Variants in FCRL2 observed in about 807,000 individuals in gnomAD.
FCRL2 encodes the protein Fc receptor-like protein 2.
In FCRL2, 48 loss-of-function variants were observed where a neutral mutation model predicts 59.8. The observed-to-expected ratio is 0.80, with a 90% CI of 0.64 to 1.02. The LOEUF is 1.02. Among genes scored for constraint, FCRL2 ranks in the 50% least tolerant of loss-of-function variants. The pLI is 0.00. For missense variants in FCRL2, 658 were observed against 597.3 expected (o/e 1.10, Z -1.06); for synonymous variants, 251 against 229.5 (o/e 1.09, Z -0.85).
At chr1:157,751,098 T>A (rs1386165099) in intron 7 of FCRL2, among the ~76,000 whole-genome samples, 1 of 152,202 alleles carries the variant, frequency 6.6e-6, no homozygotes, top group East Asian at 1.9e-4. Flanking sequence ...AGACTCAATA[T>A]CCAATTTGTT....
Position 157,767,316 on chromosome 1 carries a change from A to C in FCRL2, c.1077T>G (p.Thr359=). ...AGGAGTAGTTTCCAGAATGTTCTGC[A>C]GTCAAAGAGAGGTTGAAGGAGGCCC... The part of the protein sequence containing the change: ...GGGASFNLSL[T]AEHSGNYSCE... Residue 359 remains threonine (T), a synonymous_variant, in exon 6 of 12, where the codon ACT becomes ACG. Transcript: ENST00000361516. 2 of 1,614,244 alleles carry C rather than the reference A, an allele frequency of 1.2e-6. No homozygotes were observed. Among genetic ancestry groups the C allele is most frequent in the Non-Finnish European group, 1.7e-6 (2 of 1,180,032 alleles).
rs531471358 is a variant in FCRL2, at chr1:157,746,997, A to G, written c.1460-98T>C. On this transcript the variant is annotated intron_variant, in intron 10 of 11. Coordinates refer to ENST00000361516, the MANE Select transcript of FCRL2 (RefSeq NM_030764.4). ...AGGGCATAGAACTACTATGCTTAGT[A>G]TGTGGAATCCCATTTTCTCCTGTTC... 2.2e-5 allele frequency: 28 copies of G among 1,255,470 alleles called. No individual in the cohort carries two copies. The African/African-American group carries it at 2.7e-4, about 12-fold the overall frequency. The allele number at this position is 1,255,470 out of a possible 1,614,324, so 77.8% of individuals were successfully genotyped here.
At chr1:157,752,952 A>G (rs1175543448) in intron 7 of FCRL2, among the ~76,000 whole-genome samples, 2 of 152,162 alleles carry the variant, frequency 1.3e-5, no homozygotes, top group African/African-American at 4.8e-5. Flanking sequence ...GTTCTGTAAG[A>G]ATAGCATAGT....
chr1:157,770,214 C>G, intron 3 of FCRL2, 64 bp from the exon 4 acceptor site: 1 of 1,576,282 alleles, frequency 6.3e-7, no homozygotes, highest in South Asian at 1.2e-5. Flanking sequence ...TGAAAAGCCT[C>G]TGGCAAGAAG....
At chr1:157,770,707 G>C in intron 2 of FCRL2, 41 bp from the exon 3 acceptor site, 5 of 1,610,352 alleles carry the variant, frequency 3.1e-6, no homozygotes, top group Non-Finnish European at 4.2e-6. Flanking sequence ...CATTTCTGCA[G>C]AGAACCCAGA....
chr1:157,767,222 C>T lies in FCRL2; in HGVS notation c.1162+9G>A. The T allele has an allele frequency of 6.2e-7, 1 of 1,607,004 alleles. No individual in the cohort carries two copies. The highest frequency in any genetic ancestry group is 8.5e-7 in the Non-Finnish European group (1 of 1,176,648). ...CATCAAACTCTGTATCCAGGTAACA[C>T]CCACCCACCTGAGATGGAGACTGGC... On this transcript the variant is annotated intron_variant, in intron 6 of 11. Transcript: ENST00000361516.
intron 7 of FCRL2, 140 bp from the exon 8 acceptor site, chr1:157,749,817 CTACT>C: frequency 1.8e-6 from 1 of 541,848 alleles, no homozygotes; most frequent in African/African-American, 1.9e-5. Context: ...ATCTAAATGG[CTACT>C]TATTTATTCC....
intron 7 of FCRL2, among the ~76,000 whole-genome samples, chr1:157,752,537 T>C (rs746106985): frequency 6.6e-6 from 1 of 152,200 alleles, no homozygotes; most frequent in Non-Finnish European, 1.5e-5. Flanking sequence ...GGATAGACTA[T>C]GGGCCTGCCT....
At position 157,748,930 on chromosome 1, in the gene FCRL2, GAA is replaced by G; in HGVS notation, c.1336_1337del (p.Phe446HisfsTer88). 2 of 1,614,028 alleles carry G rather than the reference GAA, an allele frequency of 1.2e-6. No homozygotes were observed. Among genetic ancestry groups the G allele is most frequent in the Non-Finnish European group, 1.7e-6 (2 of 1,179,950 alleles). On this transcript the variant is annotated frameshift_variant, in exon 9 of 12. Transcript: ENST00000361516. LOFTEE classifies it high-confidence loss of function. Reference protein sequence around the residue: ...RGASRPNPQEFTYSSPTPDME... With the variant: ...RGASRPNPQEXTYSSPTPDME... ...TGTCTGGGGTTGGGCTTGAATAGGT[GAA>G]CTCTTGAGGATTTGGCCTGGAAGCC...
intron 7 of FCRL2, among the ~76,000 whole-genome samples, chr1:157,762,867 T>C (rs1020727299): frequency 1.3e-5 from 2 of 152,084 alleles, no homozygotes; most frequent in Non-Finnish European, 2.9e-5. Flanking sequence ...TAAGGAGAAA[T>C]AAAATCTTTT....
At chr1:157,747,007 C>A in intron 10 of FCRL2, 108 bp from the exon 11 acceptor site, 1 of 1,141,646 alleles carries the variant, frequency 8.8e-7, no homozygotes, top group South Asian at 1.3e-5. Flanking sequence ...ATGTGGAATC[C>A]CATTTTCTCC....
intron 6 of FCRL2, 21 bp downstream of exon 6, chr1:157,767,210 A>G: frequency 6.3e-7 from 1 of 1,598,826 alleles, no homozygotes; most frequent in Non-Finnish European, 8.5e-7. Context: ...CAAACTCTGT[A>G]TCCAGGTAAC....
Position 157,746,689 on chromosome 1 carries a change from G to A in FCRL2, c.*47C>T. 1 of 1,579,304 alleles carries A rather than the reference G, an allele frequency of 6.3e-7. No homozygotes were observed. Among genetic ancestry groups the A allele is most frequent in the Non-Finnish European group, 8.7e-7 (1 of 1,148,642 alleles). ...ATAAGGTTTTATAGCAAGTCTTAAT[G>A]ATGCCCCATCCTTGCTGTTGATCTT... On this transcript the variant is annotated 3_prime_UTR_variant, in exon 12 of 12. Transcript: ENST00000361516.
chr1:157,772,217 G>A (rs1650075545), intron 2 of FCRL2, among the ~76,000 whole-genome samples: 1 of 151,874 alleles, frequency 6.6e-6, no homozygotes, highest in Non-Finnish European at 1.5e-5. Flanking sequence ...AAAGATTCCT[G>A]TAGAGAACAC....
At chr1:157,767,865 T>G (rs1649645258) in intron 5 of FCRL2, 9 of 544,776 alleles carry the variant, frequency 1.7e-5, no homozygotes, top group Non-Finnish European at 2.3e-5. Flanking sequence ...CTGGGAAAAC[T>G]GATACATAGG....
intron 7 of FCRL2, among the ~76,000 whole-genome samples, chr1:157,755,214 A>G (rs2101686318): frequency 6.6e-6 from 1 of 152,342 alleles, no homozygotes; most frequent in South Asian, 2.1e-4. Context: ...TAAACAGATC[A>G]TCTACAAATC....
intron 7 of FCRL2, among the ~76,000 whole-genome samples, chr1:157,765,118 G>A (rs1226685075): frequency 1.3e-5 from 2 of 152,086 alleles, no homozygotes; most frequent in Non-Finnish European, 2.9e-5. Context: ...AATCAGAAAC[G>A]AAAAAGCAGA....
rs1293586910 is a variant in FCRL2, at chr1:157,746,858, G to A, written c.1488+13C>T. 1.2e-6 allele frequency: 2 copies of A among 1,613,936 alleles called. No individual in the cohort carries two copies. Among genetic ancestry groups the A allele is most frequent in the African/African-American group, 2.7e-5 (2 of 74,908 alleles). ...GAAGGAAAGATGAAGAAATTCCAAGGTGTCTAGCTCACCTTGTTCTCCAGA... is the reference window on the plus strand; with the variant it reads ...GAAGGAAAGATGAAGAAATTCCAAGATGTCTAGCTCACCTTGTTCTCCAGA... On this transcript the variant is annotated intron_variant, in intron 11 of 11. Transcript: ENST00000361516.
Position 157,757,635 on chromosome 1 carries a change from C to T in FCRL2, c.1280-7958G>A, listed in dbSNP as rs972034318. Among the ~76,000 whole-genome samples the T allele has an allele frequency of 2.0e-5, 3 of 152,300 alleles. 1 individual carries two copies. The highest frequency in any genetic ancestry group is 4.1e-4 in the South Asian group (2 of 4,820). ...GAAATTTATCTTGCTGGCATCTTAACCTTAAACTTCCCAGCCTTTAGAATT... is the reference window on the plus strand; with the variant it reads ...GAAATTTATCTTGCTGGCATCTTAATCTTAAACTTCCCAGCCTTTAGAATT... On this transcript the variant is annotated intron_variant, in intron 7 of 11. Coordinates refer to ENST00000361516, the MANE Select transcript of FCRL2 (RefSeq NM_030764.4).
Sources: gnomAD v4.1 joint callset for allele counts (sites outside exome capture counted in the v4.1 genomes callset) on GRCh38, gnomAD v4.1.1 for gene constraint, MANE v1.5 for transcripts, NCBI Gene and HGNC (gene_info 2026-07-23, HGNC 2026-07-21) for gene names.